PXYLP1: variants seen among roughly 807,000 people sequenced by gnomAD.
PXYLP1 encodes 2-phosphoxylose phosphatase 1.
A neutral mutation model predicts 37.9 loss-of-function variants in PXYLP1; 17 were observed. The observed-to-expected ratio is 0.45, with a 90% CI of 0.31 to 0.67. The LOEUF (loss-of-function observed/expected upper bound fraction) is 0.67, where lower values mean the gene tolerates loss of function less well. Ranked by LOEUF, PXYLP1 falls within the 30% of genes least tolerant of loss-of-function variation. PXYLP1 has a pLI of 0.07. For synonymous variants in PXYLP1, 221 were observed against 232.2 expected, an observed-to-expected ratio of 0.95 and a Z score of 0.44; for missense variants, 511 against 612.0, an observed-to-expected ratio of 0.84 and a Z score of 1.74.
rs34512847 is a variant in PXYLP1 at position 141,293,017 on chromosome 3, G to A, written c.1255G>A (p.Val419Ile). The A allele has an allele frequency of 5.7e-4, 926 of 1,614,128 alleles. 5 individuals carry two copies. The African/African-American group carries it at 0.01, about 18-fold the overall frequency. The change falls in exon 6 of 6, where the codon GTC becomes ATC. Residue 419 changes from valine to isoleucine, a missense_variant. Transcript: ENST00000286353. ...CAGAGAAAAGCCCAGTGAACATTCCGTCCGGATTCTTTACAATGGCGTCGA... is the reference window on the plus strand; with the variant it reads ...CAGAGAAAAGCCCAGTGAACATTCCATCCGGATTCTTTACAATGGCGTCGA... The part of the protein sequence containing the change: ...QDREKPSEHS[V>I]RILYNGVDVT...
Position 141,292,118 on chromosome 3 carries a change from C to G in PXYLP1, c.506-150C>G, listed in dbSNP as rs949990346. On this transcript the variant is annotated intron_variant, in intron 5 of 5. Coordinates refer to ENST00000286353, the MANE Select transcript of PXYLP1 (RefSeq NM_001037172.3). This position sits in a 1 kb window ranked among gnomAD's most constrained non-coding sequence, Gnocchi z 4.3. ...CTCCCTTCACAAGCTGTTGTGAACT[C>G]GAGCTTGTAACTTCCACACCATGGG... The G allele has an allele frequency of 4.1e-6, 3 of 732,596 alleles. No individual in the cohort carries two copies. The highest frequency in any genetic ancestry group is 3.8e-5 in the South Asian group (2 of 52,900). The allele number at this position is 732,596 out of a possible 1,614,324, so 45.4% of individuals were successfully genotyped here.
intron 1 of PXYLP1, among the ~76,000 whole-genome samples, chr3:141,248,999 A>G (rs58987205): frequency 0.013 from 2,027 of 152,122 alleles, 51 homozygotes; most frequent in African/African-American, 0.046. Flanking sequence ...GGTCACCCAC[A>G]TCAGCCCCTC....
chr3:141,285,954 T>C (rs1402561217), intron 4 of PXYLP1, among the ~76,000 whole-genome samples: 1 of 151,792 alleles, frequency 6.6e-6, no homozygotes, highest in Non-Finnish European at 1.5e-5. Context: ...TTTTAAAAGA[T>C]GGATTTTTTT....
In PXYLP1 at chr3:141,261,279, G is replaced by A. The variant is rs930635894; in HGVS notation, c.79+1025G>A. ...GGTAATCTTCCCACCTCAGCTTCCTGGATAGCTAGGACTGGAGGCGTGCAC... is the reference window on the plus strand; with the variant it reads ...GGTAATCTTCCCACCTCAGCTTCCTAGATAGCTAGGACTGGAGGCGTGCAC... On this transcript the variant is annotated intron_variant, in intron 2 of 5. Transcript: ENST00000286353. Among the ~76,000 whole-genome samples, 5 of 152,124 alleles carry A rather than the reference G, an allele frequency of 3.3e-5. No individual in the cohort carries two copies. In the East Asian group the frequency reaches 9.6e-4, roughly 29 times the overall value.
At chr3:141,262,389 T>C in intron 2 of PXYLP1, 1 of 1,031,846 alleles carries the variant, frequency 9.7e-7, no homozygotes, top group African/African-American at 1.7e-5. Context: ...TTAAAAATTT[T>C]CCATCCTTTG....
intron 2 of PXYLP1, chr3:141,262,248 G>A: frequency 1.0e-6 from 1 of 987,742 alleles, no homozygotes; most frequent in Non-Finnish European, 1.2e-6. Context: ...TCCAGAATTG[G>A]AAAAGAGGTC....
chr3:141,267,383 A>T (rs1941544574), intron 2 of PXYLP1: 1 of 152,178 alleles, frequency 6.6e-6, no homozygotes, highest in South Asian at 2.1e-4. Flanking sequence ...TATTTTGTTC[A>T]GCTGGAGACA....
chr3:141,290,688 T>C (rs919101766), intron 5 of PXYLP1, among the ~76,000 whole-genome samples: 1 of 152,244 alleles, frequency 6.6e-6, no homozygotes, highest in African/African-American at 2.4e-5. Context: ...CATGAAAATG[T>C]AAGGGTCTAA....
intron 1 of PXYLP1, among the ~76,000 whole-genome samples, chr3:141,237,902 C>G (rs971104409): frequency 6.6e-6 from 1 of 152,206 alleles, no homozygotes; most frequent in African/African-American, 2.4e-5. Flanking sequence ...TCATCTGTGT[C>G]TGACACATGC....
chr3:141,262,539 T>A, intron 2 of PXYLP1: 1 of 1,007,554 alleles, frequency 9.9e-7, no homozygotes, highest in South Asian at 1.9e-5. Context: ...TTGGCCTGTG[T>A]GTTTTGCTTA....
intron 1 of PXYLP1, among the ~76,000 whole-genome samples, chr3:141,254,587 G>T (rs899475074): frequency 6.6e-6 from 1 of 152,134 alleles, no homozygotes; most frequent in African/African-American, 2.4e-5. Flanking sequence ...GTTTTTCTTG[G>T]GCAAGCATCT....
chr3:141,272,795 C>CT (rs1190844399), intron 2 of PXYLP1: 2 of 176,310 alleles, frequency 1.1e-5, no homozygotes, highest in Non-Finnish European at 2.1e-5. Flanking sequence ...TTTCTGCCTG[C>CT]TTATATTCCA....
At position 141,290,195 on chromosome 3, in the gene PXYLP1, A is replaced by G. The variant is rs139281274; in HGVS notation, c.506-2073A>G. Among the ~76,000 whole-genome samples, 613 of 152,320 alleles carry G rather than the reference A, an allele frequency of 4.0e-3. 2 individuals are homozygous for G. Among genetic ancestry groups the G allele is most frequent in the Non-Finnish European group, 6.6e-3 (447 of 68,022 alleles). Reference sequence around the variant, plus strand: ...TGGCAGCTGCTGAGTGTGAGAGGGTAGCAGGATGAATAGGACCCTCCTGCC... The same window carrying G: ...TGGCAGCTGCTGAGTGTGAGAGGGTGGCAGGATGAATAGGACCCTCCTGCC... On this transcript the variant is annotated intron_variant, in intron 5 of 5. Coordinates refer to ENST00000286353, the MANE Select transcript of PXYLP1 (RefSeq NM_001037172.3).
intron 4 of PXYLP1, among the ~76,000 whole-genome samples, chr3:141,285,549 T>C (rs566358783): frequency 1.2e-4 from 19 of 152,142 alleles, no homozygotes; most frequent in South Asian, 4.2e-4. Flanking sequence ...ATAAAAAACA[T>C]TGGAATGAAT....
rs144994776 is a variant in PXYLP1 at position 141,248,570 on chromosome 3, T to C, written c.-53-11553T>C. Among the ~76,000 whole-genome samples the C allele has an allele frequency of 8.6e-4, 101 of 117,648 alleles. 15 individuals carry two copies. The highest frequency in any genetic ancestry group is 3.3e-3 in the African/African-American group (86 of 25,752). The allele number at this position is 117,648 out of a possible 152,430, so 77.2% of individuals were successfully genotyped here. On this transcript the variant is annotated intron_variant, in intron 1 of 5. Coordinates refer to ENST00000286353, the MANE Select transcript of PXYLP1 (RefSeq NM_001037172.3). The stretch of plus-strand genomic sequence containing the variant: ...GTATATATACACACGTGTATATATA[T>C]ACACACATGTATATATACACACACG...
chr3:141,236,741 G>A (rs1303139058), intron 1 of PXYLP1, among the ~76,000 whole-genome samples: 1 of 152,168 alleles, frequency 6.6e-6, no homozygotes, highest in East Asian at 1.9e-4. Context: ...AAGGCTTTAT[G>A]CTTCTAAAAT....
Position 141,231,890 on chromosome 3 carries a change from G to A in PXYLP1, c.-75G>A, listed in dbSNP as rs1242333456. On this transcript the variant is annotated 5_prime_UTR_variant, in exon 1 of 6. Transcript: ENST00000286353. This position sits in a 1 kb window ranked among gnomAD's most constrained non-coding sequence, Gnocchi z 4.4. ...GCCGGGCGCGCAGCGACGGAGCTGG[G>A]GCCGGCCTGGGACCATGGGCGGTGA... 6.6e-6 allele frequency: 1 copy of A among 151,658 alleles called. No homozygotes were observed. 9.4% of individuals were successfully genotyped at this position (151,658 alleles called of 1,614,324 possible). A position where few individuals can be genotyped will look rare whatever the true frequency, so the allele number is the denominator to read the frequency against.
intron 1 of PXYLP1, among the ~76,000 whole-genome samples, chr3:141,249,975 C>CA (rs1941104776): frequency 6.6e-6 from 1 of 151,642 alleles, no homozygotes. Context: ...AAAAAAATCT[C>CA]AAAGGAGAGA....
rs779690348 is a variant in PXYLP1 at position 141,292,389 on chromosome 3, G to C, written c.627G>C (p.Arg209=). ...ATTTAGAGACCACTGGGAAAAGCCGGACCCTACAAAGTGGGCTGGCCTTGC... is the reference window on the plus strand; with the variant it reads ...ATTTAGAGACCACTGGGAAAAGCCGCACCCTACAAAGTGGGCTGGCCTTGC... ...QLYLETTGKS[R]TLQSGLALLY... Residue 209 remains arginine (R), a synonymous_variant, in exon 6 of 6, where the codon CGG becomes CGC. Transcript: ENST00000286353. The surrounding 1 kb of genome is among the most constrained non-coding windows in gnomAD (Gnocchi z 4.3). The C allele has an allele frequency of 1.2e-6, 2 of 1,614,064 alleles. No individual in the cohort carries two copies. Among genetic ancestry groups the C allele is most frequent in the African/African-American group, 2.7e-5 (2 of 74,924 alleles).
Sources: gnomAD v4.1 joint callset for allele counts (sites outside exome capture counted in the v4.1 genomes callset) on GRCh38, gnomAD v4.1.1 for gene constraint, Gnocchi (gnomAD v3.1) non-coding constraint, MANE v1.5 for transcripts, NCBI Gene and HGNC (gene_info 2026-07-23, HGNC 2026-07-21) for gene names.